VPS13B: variants seen among roughly 807,000 people sequenced by gnomAD.
The protein encoded by VPS13B is vacuolar protein sorting 13 homolog B.
VPS13B carries 285 observed loss-of-function variants against 426.4 expected under a neutral mutation model. That is an observed-to-expected ratio of 0.67 (90% confidence interval 0.61 to 0.74). The LOEUF (loss-of-function observed/expected upper bound fraction) is 0.74. VPS13B is among the 30% of genes least tolerant of loss of function. The pLI is 0.00. For missense variants in VPS13B, 4,537 were observed against 4,782.6 expected, an observed-to-expected ratio of 0.95 and a Z score of 1.51; for synonymous variants, 1,676 against 1,676.4, an observed-to-expected ratio of 1.00 and a Z score of 0.01.
At chr8:99,615,862 ACTTT>A (rs1183884309) in intron 33 of VPS13B, among the ~76,000 whole-genome samples, 43 of 152,088 alleles carry the variant, frequency 2.8e-4, no homozygotes, top group Admixed American at 1.2e-3. Context: ...TAAAAGTCCA[ACTTT>A]CTTTCAAACG....
chr8:99,141,189 A>G (rs942608477), intron 12 of VPS13B, among the ~76,000 whole-genome samples: 3 of 152,242 alleles, frequency 2.0e-5, no homozygotes, highest in African/African-American at 7.2e-5. Context: ...GAGTGGCCAG[A>G]TGCATGAAAG....
chr8:99,034,489 G>C (rs561627082), intron 2 of VPS13B, among the ~76,000 whole-genome samples: 3 of 150,782 alleles, frequency 2.0e-5, no homozygotes, highest in African/African-American at 7.3e-5. Flanking sequence ...GCTAGTTACT[G>C]CCCTCTCTTT....
At chr8:99,868,130 G>T in intron 58 of VPS13B, 159 bp from the exon 59 acceptor site, 1 of 805,556 alleles carries the variant, frequency 1.2e-6, no homozygotes, top group South Asian at 1.6e-5. Context: ...TACTGCCCTT[G>T]GTGTACTTAG....
intron 39 of VPS13B, among the ~76,000 whole-genome samples, chr8:99,729,599 C>T (rs1171409790): frequency 6.6e-6 from 1 of 152,180 alleles, no homozygotes. Flanking sequence ...ATTCTATAGT[C>T]TTCCAGTTCT....
At chr8:99,804,721 A>G (rs1039737969) in intron 43 of VPS13B, among the ~76,000 whole-genome samples, 1 of 152,182 alleles carries the variant, frequency 6.6e-6, no homozygotes, top group Non-Finnish European at 1.5e-5. Context: ...GCCGGGTTCA[A>G]TAGCTCATAC....
intron 17 of VPS13B, among the ~76,000 whole-genome samples, chr8:99,246,174 T>C (rs1012511259): frequency 2.6e-5 from 4 of 152,230 alleles, no homozygotes; most frequent in African/African-American, 9.6e-5. Context: ...AACTTTAGAT[T>C]TCTCATATCA....
At chr8:99,536,192 G>A (rs750101504) in intron 30 of VPS13B, among the ~76,000 whole-genome samples, 14 of 151,976 alleles carry the variant, frequency 9.2e-5, no homozygotes, top group East Asian at 1.9e-4. Context: ...CAGGTGAGCC[G>A]CCTGCCTTGG....
At chr8:99,544,956 A>T (rs113609332) in intron 30 of VPS13B, among the ~76,000 whole-genome samples, 219 of 152,310 alleles carry the variant, frequency 1.4e-3, no homozygotes, top group African/African-American at 5.0e-3. Flanking sequence ...AAGCTCAGGG[A>T]TGCCTAAGAT....
chr8:99,443,679 A>G (rs1378759835), intron 23 of VPS13B, among the ~76,000 whole-genome samples: 1 of 152,160 alleles, frequency 6.6e-6, no homozygotes, highest in African/African-American at 2.4e-5. Context: ...ATAGTATTCC[A>G]TCTTATGGAT....
intron 16 of VPS13B, among the ~76,000 whole-genome samples, chr8:99,185,389 A>G (rs527949878): frequency 5.5e-4 from 84 of 152,208 alleles, no homozygotes; most frequent in Middle Eastern, 3.4e-3. Context: ...TTCATTGAGT[A>G]TTGATGTGTA....
At chr8:99,863,454 C>T (rs763769934) in intron 58 of VPS13B, among the ~76,000 whole-genome samples, 5 of 152,090 alleles carry the variant, frequency 3.3e-5, no homozygotes, top group Non-Finnish European at 7.4e-5. Context: ...CTCTGCTCCA[C>T]CCCAGCCCTT....
rs999875897 is a variant in VPS13B at position 99,853,880 on chromosome 8, C to T, written c.10491C>T (p.Phe3497=). Residue 3497 remains phenylalanine, a synonymous_variant, in exon 56 of 62, where the codon TTC becomes TTT. Transcript: ENST00000357162. ...GKSILCDINE[F]SFELKPARLY... ...GCATCCTCTGTGATATTAATGAGTT[C>T]AGCTTTGAATTAAAACCTGCTCGGT... 3 of 1,614,108 alleles carry T rather than the reference C, an allele frequency of 1.9e-6. No individual in the cohort carries two copies. Among genetic ancestry groups the T allele is most frequent in the Non-Finnish European group, 2.5e-6 (3 of 1,180,064 alleles).
intron 33 of VPS13B, among the ~76,000 whole-genome samples, chr8:99,620,184 T>C (rs1828289198): frequency 6.6e-6 from 1 of 152,028 alleles, no homozygotes. Context: ...AAAAAATAAG[T>C]TTACAAGAAT....
At chr8:99,613,264 T>C (rs73271343) in intron 33 of VPS13B, among the ~76,000 whole-genome samples, 2,580 of 152,334 alleles carry the variant, frequency 0.017, 65 homozygotes, top group African/African-American at 0.059. Context: ...CTCTGCCTTA[T>C]GTATCTCAGC....
At chr8:99,160,678 T>TA (rs1168154132) in intron 15 of VPS13B, among the ~76,000 whole-genome samples, 1 of 141,730 alleles carries the variant, frequency 7.1e-6, no homozygotes, top group African/African-American at 2.6e-5. Context: ...AAAAAGGTAC[T>TA]AAAAAAGCAC....
intron 17 of VPS13B, among the ~76,000 whole-genome samples, chr8:99,211,492 C>T (rs1815086991): frequency 6.6e-6 from 1 of 152,140 alleles, no homozygotes; most frequent in African/African-American, 2.4e-5. Flanking sequence ...AAGGATCCTT[C>T]TTGGTAGATT....
chr8:99,067,183 C>G (rs1383057452), intron 3 of VPS13B, among the ~76,000 whole-genome samples: 2 of 152,144 alleles, frequency 1.3e-5, no homozygotes, highest in East Asian at 3.8e-4. Flanking sequence ...GCTATAAAGA[C>G]ACATGCACAG....
chr8:99,187,726 T>C (rs1039826788), intron 16 of VPS13B, among the ~76,000 whole-genome samples: 63 of 152,110 alleles, frequency 4.1e-4, no homozygotes, highest in African/African-American at 1.5e-3. Context: ...CCCAACACTT[T>C]GGGAGGGTGA....
At chr8:99,423,980 C>T (rs530029184) in intron 21 of VPS13B, among the ~76,000 whole-genome samples, 1 of 152,180 alleles carries the variant, frequency 6.6e-6, no homozygotes, top group South Asian at 2.1e-4. Context: ...CTTTCTGTCT[C>T]GTTGATCTGT....
Sources: allele counts gnomAD v4.1 joint callset (sites outside exome capture counted in the v4.1 genomes callset), GRCh38; gene constraint gnomAD v4.1.1; transcripts MANE v1.5; gene names NCBI Gene and HGNC (gene_info 2026-07-23, HGNC 2026-07-21).